KLHL7: variants seen among roughly 807,000 people sequenced by gnomAD.
KLHL7 encodes the protein kelch like family member 7, also known as kelch-like protein 7.
Under a neutral mutation model 67.4 loss-of-function variants are expected in KLHL7, and 44 were observed. That is an observed-to-expected ratio of 0.65 (90% CI 0.51 to 0.84). The LOEUF is 0.84. KLHL7 is among the 40% of genes least tolerant of loss of function. The probability of loss-of-function intolerance (pLI) is 0.00; values close to 1 mark genes in which losing one functional copy is unlikely to be tolerated. For missense variants in KLHL7, 362 were observed against 718.1 expected (o/e 0.50, Z 5.67); for synonymous variants, 252 against 243.3 (o/e 1.04, Z -0.33).
chr7:23,133,681 G>A (rs1430773903), intron 4 of KLHL7, among the ~76,000 whole-genome samples: 2 of 152,072 alleles, frequency 1.3e-5, no homozygotes, highest in Non-Finnish European at 2.9e-5. Flanking sequence ...CGATCCGCCC[G>A]CCTCAGCCTC....
intron 1 of KLHL7, among the ~76,000 whole-genome samples, chr7:23,117,299 G>T (rs1783132263): frequency 6.6e-6 from 1 of 151,966 alleles, no homozygotes; most frequent in African/African-American, 2.4e-5. Context: ...TGTTGGCCAG[G>T]CTGGTCTTGA....
intron 7 of KLHL7, among the ~76,000 whole-genome samples, chr7:23,153,473 T>C (rs1784602734): frequency 1.3e-5 from 2 of 152,330 alleles, no homozygotes; most frequent in South Asian, 4.1e-4. Flanking sequence ...TGCTACATTG[T>C]TGGTTGAAGG....
chr7:23,110,478 G>C (rs1782819894), intron 1 of KLHL7, among the ~76,000 whole-genome samples: 1 of 152,022 alleles, frequency 6.6e-6, no homozygotes, highest in Non-Finnish European at 1.5e-5. Flanking sequence ...ACTTAAGCTT[G>C]TTTTAACCTC....
intron 4 of KLHL7, among the ~76,000 whole-genome samples, chr7:23,133,158 T>C (rs1044791242): frequency 6.6e-6 from 1 of 152,178 alleles, no homozygotes; most frequent in South Asian, 2.1e-4. Flanking sequence ...TTTAGGATTG[T>C]TTTTTCTACT....
chr7:23,115,679 G>C, intron 1 of KLHL7, among the ~76,000 whole-genome samples: 1 of 151,976 alleles, frequency 6.6e-6, no homozygotes, highest in Non-Finnish European at 1.5e-5. Flanking sequence ...GAGCAGCTGG[G>C]ATTACCGGGC....
chr7:23,159,322 C>T (rs931318956), intron 7 of KLHL7, among the ~76,000 whole-genome samples: 2 of 152,094 alleles, frequency 1.3e-5, no homozygotes, highest in Non-Finnish European at 2.9e-5. Flanking sequence ...CATCACCACA[C>T]ATGGCCATTT....
chr7:23,135,071 A>G (rs1457505194), intron 4 of KLHL7, among the ~76,000 whole-genome samples: 2 of 152,130 alleles, frequency 1.3e-5, no homozygotes, highest in Non-Finnish European at 2.9e-5. Flanking sequence ...GGCACTTATA[A>G]CTATAAATTC....
chr7:23,156,735 A>G (rs1784718324), intron 7 of KLHL7, among the ~76,000 whole-genome samples: 1 of 152,194 alleles, frequency 6.6e-6, no homozygotes, highest in Non-Finnish European at 1.5e-5. Context: ...TCATGGAACT[A>G]CCAGGTTCAG....
At chr7:23,116,175 G>A (rs1783079444) in intron 1 of KLHL7, among the ~76,000 whole-genome samples, 1 of 152,182 alleles carries the variant, frequency 6.6e-6, no homozygotes, top group Admixed American at 6.5e-5. Flanking sequence ...TTAAGATCCT[G>A]TCATGCTGTG....
intron 1 of KLHL7, among the ~76,000 whole-genome samples, chr7:23,111,739 T>G (rs1048415874): frequency 6.1e-5 from 9 of 146,704 alleles, no homozygotes; most frequent in African/African-American, 2.3e-4. Context: ...GGAGAATTGG[T>G]TGAACCCGGG....
chr7:23,174,195 A>G lies in KLHL7; in HGVS notation c.1658A>G (p.Asp553Gly). 6.2e-7 allele frequency: 1 copy of G among 1,614,194 alleles called. No homozygotes were observed. Among genetic ancestry groups the G allele is most frequent in the Non-Finnish European group, 8.5e-7 (1 of 1,180,014 alleles). ...GHILEYNTET[D>G]KWVANSKVRA... ...ATTCTCGAATATAATACCGAAACAG[A>G]CAAATGGGTTGCCAACTCCAAAGTT... Residue 553 changes from aspartate to glycine, a missense_variant, in exon 11 of 11, where the codon GAC becomes GGC. Asp to Gly is a moderately conservative substitution (Grantham distance 94, BLOSUM62 -1). Transcript: ENST00000339077.
intron 8 of KLHL7, 89 bp from the exon 9 acceptor site, chr7:23,167,747 C>G: frequency 8.4e-7 from 1 of 1,194,982 alleles, no homozygotes. Context: ...TAAATTCTTC[C>G]TTCCTTAACT....
At chr7:23,165,609 C>G (rs1784980020) in intron 7 of KLHL7, 89 bp from the exon 8 acceptor site, 1 of 1,362,030 alleles carries the variant, frequency 7.3e-7, no homozygotes, top group African/African-American at 1.4e-5. Context: ...TTAACATATT[C>G]TTATATGTTT....
intron 9 of KLHL7, among the ~76,000 whole-genome samples, chr7:23,171,623 AAT>A (rs749089861): frequency 6.6e-6 from 1 of 152,248 alleles, no homozygotes; most frequent in Admixed American, 6.5e-5. Flanking sequence ...TTTTTAAAAC[AAT>A]ACATAAATGT....
At chr7:23,111,782 A>G (rs1346560645) in intron 1 of KLHL7, among the ~76,000 whole-genome samples, 1 of 136,974 alleles carries the variant, frequency 7.3e-6, no homozygotes, top group Non-Finnish European at 1.5e-5. Flanking sequence ...AGATTGCACC[A>G]TTGCACTCCA....
At chr7:23,114,714 AC>A (rs889090542) in intron 1 of KLHL7, among the ~76,000 whole-genome samples, 7 of 152,176 alleles carry the variant, frequency 4.6e-5, no homozygotes, top group African/African-American at 1.7e-4. Flanking sequence ...TTAAATTTTT[AC>A]CCAAGAAAGC....
intron 10 of KLHL7, among the ~76,000 whole-genome samples, chr7:23,173,590 A>C (rs1371288811): frequency 1.3e-5 from 2 of 152,232 alleles, no homozygotes; most frequent in Admixed American, 6.5e-5. Context: ...CAATTTAGTC[A>C]GTACTTTAAG....
chr7:23,173,555 C>T (rs374285219), intron 10 of KLHL7, among the ~76,000 whole-genome samples: 1 of 152,078 alleles, frequency 6.6e-6, no homozygotes. Flanking sequence ...GAAAGGGAGT[C>T]GGAACTGAAT....
Position 23,167,993 on chromosome 7 carries a change from G to C in KLHL7, c.1335G>C (p.Gly445=), listed in dbSNP as rs1324074773. ...CGGSLGNNVS[G]RVLNSCEVYD... ...GAAGTTTAGGAAACAATGTTTCTGG[G>C]AGAGTGCTTAATTCCTGTGAAGTTT... is the stretch of plus-strand genomic sequence containing the variant. Residue 445 remains glycine (G), a synonymous_variant, in exon 9 of 11, where the codon GGG becomes GGC. Coordinates refer to ENST00000339077, the MANE Select transcript of KLHL7 (RefSeq NM_001031710.3). 1.2e-5 allele frequency: 19 copies of C among 1,614,242 alleles called. No individual in the cohort carries two copies. In the East Asian group the frequency reaches 4.2e-4, roughly 36 times the overall value.
Sources: gnomAD v4.1 joint callset for allele counts (sites outside exome capture counted in the v4.1 genomes callset) on GRCh38, gnomAD v4.1.1 for gene constraint, MANE v1.5 for transcripts, NCBI Gene and HGNC (gene_info 2026-07-23, HGNC 2026-07-21) for gene names.